PKHD1: variants seen among roughly 807,000 people sequenced by gnomAD.
The protein encoded by PKHD1 is PKHD1 ciliary IPT domain containing fibrocystin/polyductin.
PKHD1 carries 291 observed loss-of-function variants against 412.0 expected under a neutral mutation model. The ratio of observed to expected loss-of-function variants is 0.71; its 90% CI spans 0.64 to 0.78. PKHD1 has a LOEUF of 0.78. PKHD1 is among the 30% of genes least tolerant of loss of function. The pLI, the probability that PKHD1 is intolerant of heterozygous loss-of-function variation, is 0.00. For synonymous variants in PKHD1, 1,777 were observed against 1,821.5 expected (o/e 0.98, Z 0.62); for missense variants, 4,825 against 4,950.7 (o/e 0.97, Z 0.76).
chr6:52,065,164 TATATAGAG>T (rs1489316927), intron 12 of PKHD1, 114 bp from the exon 13 acceptor site: 5 of 57,662 alleles, frequency 8.7e-5, no homozygotes, highest in Admixed American at 2.4e-4. Flanking sequence ...TATATATATA[TATATAGAG>T]AGAGAGAGAG....
At chr6:51,804,120 A>C (rs1763345170) in intron 52 of PKHD1, among the ~76,000 whole-genome samples, 1 of 151,358 alleles carries the variant, frequency 6.6e-6, no homozygotes, top group African/African-American at 2.5e-5. Flanking sequence ...ATTTCAAAGT[A>C]AAAAAGACTA....
chr6:51,947,773 G>A (rs775994774), intron 36 of PKHD1, among the ~76,000 whole-genome samples: 5 of 152,072 alleles, frequency 3.3e-5, no homozygotes, highest in Non-Finnish European at 5.9e-5. Flanking sequence ...CACGCTAATT[G>A]TCAATGACTC....
Position 52,042,825 on chromosome 6 carries a change from G to A in PKHD1, c.3097+34C>T, listed in dbSNP as rs1357832716. On this transcript the variant is annotated intron_variant, in intron 27 of 66. Coordinates refer to ENST00000371117, the MANE Select transcript of PKHD1 (RefSeq NM_138694.4). ...ATCAGCAAGAACACTAGCTTCAGAG[G>A]GTCAGACATACTGTGAGACCCTCCC... 1.9e-6 allele frequency: 3 copies of A among 1,598,176 alleles called. No homozygotes were observed. The South Asian group carries it at 3.3e-5, about 18-fold the overall frequency.
At chr6:51,776,277 GTTGTT>G (rs572187387) in intron 53 of PKHD1, among the ~76,000 whole-genome samples, 14 of 151,950 alleles carry the variant, frequency 9.2e-5, no homozygotes, top group Admixed American at 5.9e-4. Flanking sequence ...GACTTGGCAA[GTTGTT>G]TTGTTTTGTT....
chr6:52,052,824 G>C (rs753117101), intron 21 of PKHD1, among the ~76,000 whole-genome samples: 1 of 152,102 alleles, frequency 6.6e-6, no homozygotes, highest in African/African-American at 2.4e-5. Context: ...CAGCAAGAAA[G>C]TGGGAAAACT....
At chr6:51,751,567 C>A (rs1177772753) in intron 57 of PKHD1, among the ~76,000 whole-genome samples, 1 of 152,070 alleles carries the variant, frequency 6.6e-6, no homozygotes, top group Non-Finnish European at 1.5e-5. Flanking sequence ...TCTATAAATC[C>A]AAAATTATTA....
chr6:51,767,289 T>G (rs1280383609), intron 55 of PKHD1, among the ~76,000 whole-genome samples: 1 of 152,104 alleles, frequency 6.6e-6, no homozygotes, highest in African/African-American at 2.4e-5. Flanking sequence ...TTACATTTGA[T>G]TTATCATATT....
intron 49 of PKHD1, among the ~76,000 whole-genome samples, chr6:51,849,704 T>C (rs1489722049): frequency 6.6e-6 from 1 of 152,198 alleles, no homozygotes; most frequent in Non-Finnish European, 1.5e-5. Context: ...TTGAGAAATG[T>C]CTGTTCATAT....
At chr6:52,054,668 G>A (rs555497561) in intron 19 of PKHD1, among the ~76,000 whole-genome samples, 42 of 152,302 alleles carry the variant, frequency 2.8e-4, no homozygotes, top group African/African-American at 8.9e-4. Context: ...CTAGGGGCTG[G>A]ATAATTCTTT....
chr6:51,665,532 T>C (rs986410340), intron 60 of PKHD1, among the ~76,000 whole-genome samples: 2 of 152,132 alleles, frequency 1.3e-5, no homozygotes, highest in African/African-American at 4.8e-5. Context: ...ATTTTTACCT[T>C]AGAGTTTTGA....
intron 60 of PKHD1, among the ~76,000 whole-genome samples, chr6:51,729,001 C>A (rs139562710): frequency 6.6e-6 from 1 of 152,178 alleles, no homozygotes; most frequent in South Asian, 2.1e-4. Flanking sequence ...TTGTCTGTAA[C>A]GTGTTCAAAC....
Position 51,903,729 on chromosome 6 carries a change from T to A in PKHD1, c.6866-2A>T, listed in dbSNP as rs775684274. The A allele has an allele frequency of 2.5e-6, 4 of 1,609,146 alleles. No individual in the cohort carries two copies. The highest frequency in any genetic ancestry group is 3.4e-6 in the Non-Finnish European group (4 of 1,176,680). On this transcript the variant is annotated splice_acceptor_variant, in intron 42 of 66. Coordinates refer to ENST00000371117, the MANE Select transcript of PKHD1 (RefSeq NM_138694.4). LOFTEE classifies it high-confidence loss of function. ...TTATATTTCCATGTCCTGACCAGTC[T>A]AATGTTTCAACAAATCCAGGGGATC...
chr6:51,904,775 A>G (rs1781826277), intron 41 of PKHD1, among the ~76,000 whole-genome samples: 2 of 152,218 alleles, frequency 1.3e-5, no homozygotes, highest in Admixed American at 6.5e-5. Context: ...CATAGTTAAT[A>G]TCTATTCCAC....
rs759849432 is a variant in PKHD1 at position 51,753,341 on chromosome 6, A to ACAT, written c.8807_8809dup (p.His2936_Val2937insAsp). Reference sequence around the variant, plus strand: ...ACGAATGTGTCGGCCATCCTCCGTGACATGTACACTTCCTGGGGCAATAGG... The same window carrying ACAT: ...ACGAATGTGTCGGCCATCCTCCGTGACATCATGTACACTTCCTGGGGCAATAGG... On this transcript the variant is annotated inframe_insertion, in exon 57 of 67. Transcript: ENST00000371117. 4.3e-6 allele frequency: 7 copies of ACAT among 1,613,648 alleles called. No individual in the cohort carries two copies. The highest frequency in any genetic ancestry group is 5.1e-6 in the Non-Finnish European group (6 of 1,179,766).
At chr6:51,943,830 A>T (rs540624442) in intron 36 of PKHD1, among the ~76,000 whole-genome samples, 2 of 151,230 alleles carry the variant, frequency 1.3e-5, no homozygotes, top group Non-Finnish European at 3.0e-5. Flanking sequence ...AATCTCTCCC[A>T]CTGTAGGTTT....
In PKHD1 at chr6:52,055,651, G is replaced by C. The variant is rs201824369; in HGVS notation, c.1772C>G (p.Pro591Arg). The change falls in exon 19 of 67, where the codon CCT becomes CGT. Residue 591 changes from proline (P) to arginine (R), a missense_variant. Pro to Arg is a moderately radical substitution (Grantham distance 103). Transcript: ENST00000371117. The part of the protein sequence containing the change: ...PFCGRFSLRQ[P>R]RHLVLTPPAA... ...CGGGGGAGTAAGGACAAGGTGTCGA[G>C]GCTGACGGAGGCTGAACCTGCCACA... 9 of 1,613,700 alleles carry C rather than the reference G, an allele frequency of 5.6e-6. No individual in the cohort carries two copies. The African/African-American group carries it at 1.2e-4, about 22-fold the overall frequency.
At chr6:51,848,031 A>ATTTTGAGTCTTTGCACATAAGATGGGT in intron 49 of PKHD1, 61 bp from the exon 50 acceptor site, 2 of 1,093,832 alleles carry the variant, frequency 1.8e-6, no homozygotes, top group South Asian at 2.5e-5. Flanking sequence ...CATTCCACCT[A>ATTTTGAGTCTTTGCACATAAGATGGGT]CTCCACCACA....
chr6:52,042,607 T>C lies in PKHD1; in HGVS notation c.3097+252A>G, dbSNP rs539019926. Among the ~76,000 whole-genome samples the C allele has an allele frequency of 5.1e-4, 77 of 152,312 alleles. 1 individual carries two copies. The highest frequency in any genetic ancestry group is 1.7e-3 in the African/African-American group (71 of 41,568). Reference sequence around the variant, plus strand: ...CATCAGTTCACAAACTTATGAAATATCAAACATGTATGAAAGTTATGTAGG... The same window carrying C: ...CATCAGTTCACAAACTTATGAAATACCAAACATGTATGAAAGTTATGTAGG... On this transcript the variant is annotated intron_variant, in intron 27 of 66. Transcript: ENST00000371117.
Position 52,022,907 on chromosome 6 carries a change from C to G in PKHD1, c.5274G>C (p.Ala1758=), listed in dbSNP as rs1343734998. 2 of 1,614,054 alleles carry G rather than the reference C, an allele frequency of 1.2e-6. No individual in the cohort carries two copies. The highest frequency in any genetic ancestry group is 2.2e-5 in the South Asian group (2 of 91,068). ...LGGRLVHVFG[A]GFSPGNVSAA... ...CTGAGACATTCCCTGGAGAAAATCC[C>G]GCTCCAAACACATGCACCAGCCTTC... Residue 1758 remains alanine (A), a synonymous_variant, in exon 33 of 67, where the codon GCG becomes GCC. Coordinates refer to ENST00000371117, the MANE Select transcript of PKHD1 (RefSeq NM_138694.4).
Sources: allele counts gnomAD v4.1 joint callset (sites outside exome capture counted in the v4.1 genomes callset), GRCh38; gene constraint gnomAD v4.1.1; transcripts MANE v1.5; gene names NCBI Gene and HGNC (gene_info 2026-07-23, HGNC 2026-07-21).